Variants in NTM observed in about 807,000 individuals in gnomAD.
NTM encodes the protein neurotrimin, also known as IgLON family member 2.
Under a neutral mutation model 42.1 loss-of-function variants are expected in NTM, and 13 were observed. The observed-to-expected ratio is 0.31, with a 90% CI of 0.20 to 0.49. NTM has a LOEUF of 0.49. Ranked by LOEUF, NTM falls within the 20% of genes least tolerant of loss-of-function variation. The pLI, the probability that NTM is intolerant of heterozygous loss-of-function variation, is 0.99. For missense variants in NTM, 373 were observed against 452.8 expected (o/e 0.82, Z 1.60); for synonymous variants, 187 against 179.2 (o/e 1.04, Z -0.35).
At chr11:131,996,722 T>C (rs1593525849) in intron 2 of NTM, among the ~76,000 whole-genome samples, 2 of 152,188 alleles carry the variant, frequency 1.3e-5, no homozygotes, top group Non-Finnish European at 2.9e-5. Flanking sequence ...TCAAGGTTCC[T>C]GGAAGCATGA....
chr11:131,728,655 C>T (rs1465246165), intron 1 of NTM, among the ~76,000 whole-genome samples: 2 of 152,202 alleles, frequency 1.3e-5, no homozygotes, highest in East Asian at 1.9e-4. Flanking sequence ...TCAAGGTCAT[C>T]GCCAAGGCCT....
chr11:131,494,223 C>T (rs1955098720), intron 1 of NTM, among the ~76,000 whole-genome samples: 1 of 152,082 alleles, frequency 6.6e-6, no homozygotes, highest in African/African-American at 2.4e-5. Flanking sequence ...ACTTTGAGCT[C>T]CTACAATGTC....
At chr11:132,203,762 G>C (rs979274877) in intron 3 of NTM, among the ~76,000 whole-genome samples, 2 of 152,108 alleles carry the variant, frequency 1.3e-5, no homozygotes. Context: ...AGCTGGGCTT[G>C]GTTTCAGGTG....
chr11:131,683,644 G>A (rs1434273585), intron 1 of NTM, among the ~76,000 whole-genome samples: 3 of 152,230 alleles, frequency 2.0e-5, no homozygotes, highest in Admixed American at 1.3e-4. Flanking sequence ...GGGCTGGAAC[G>A]TGAATAAAAA....
chr11:131,564,248 C>A (rs141909597), intron 1 of NTM, among the ~76,000 whole-genome samples: 1 of 149,186 alleles, frequency 6.7e-6, no homozygotes, highest in Admixed American at 6.7e-5. Context: ...GTCCCTATGC[C>A]ACCCTATTTA....
At chr11:131,383,241 A>G (rs774772368) in intron 1 of NTM, among the ~76,000 whole-genome samples, 10 of 152,214 alleles carry the variant, frequency 6.6e-5, no homozygotes, top group Non-Finnish European at 1.3e-4. Flanking sequence ...TTACATTTAT[A>G]TTTCATCCAC....
chr11:131,426,192 T>A (rs1948119446), intron 1 of NTM, among the ~76,000 whole-genome samples: 1 of 152,158 alleles, frequency 6.6e-6, no homozygotes, highest in South Asian at 2.1e-4. Context: ...TGCTGAAGAC[T>A]CCTAGTGGCC....
At chr11:131,921,050 C>G (rs540400213) in intron 2 of NTM, among the ~76,000 whole-genome samples, 34 of 152,092 alleles carry the variant, frequency 2.2e-4, no homozygotes, top group Non-Finnish European at 3.5e-4. Flanking sequence ...AGAACGCATG[C>G]GAATTATTTT....
chr11:132,087,501 A>G (rs903306676), intron 2 of NTM, among the ~76,000 whole-genome samples: 1 of 152,064 alleles, frequency 6.6e-6, no homozygotes. Context: ...GGACAAAGGA[A>G]CTGCCTCAAG....
At chr11:132,212,407 G>T (rs1202138595) in intron 4 of NTM, among the ~76,000 whole-genome samples, 1 of 152,192 alleles carries the variant, frequency 6.6e-6, no homozygotes, top group Non-Finnish European at 1.5e-5. Flanking sequence ...TGAAATGGTG[G>T]TAAGGTGTTC....
At chr11:131,874,877 G>A (rs1184859975) in intron 1 of NTM, among the ~76,000 whole-genome samples, 1 of 152,220 alleles carries the variant, frequency 6.6e-6, no homozygotes, top group African/African-American at 2.4e-5. Flanking sequence ...CTGCAGTAAT[G>A]AGAAACTTAG....
At chr11:132,065,395 T>G (rs1039381502) in intron 2 of NTM, among the ~76,000 whole-genome samples, 1 of 152,172 alleles carries the variant, frequency 6.6e-6, no homozygotes, top group Non-Finnish European at 1.5e-5. Flanking sequence ...AATATGCTTC[T>G]TATAGCAGAG....
intron 2 of NTM, among the ~76,000 whole-genome samples, chr11:132,017,795 C>A (rs2135488446): frequency 6.6e-6 from 1 of 151,988 alleles, no homozygotes; most frequent in South Asian, 2.1e-4. Context: ...AATGCCTTTT[C>A]TTTTATTTAG....
At chr11:132,084,912 A>G (rs1224421573) in intron 2 of NTM, among the ~76,000 whole-genome samples, 1 of 152,212 alleles carries the variant, frequency 6.6e-6, no homozygotes, top group Non-Finnish European at 1.5e-5. Flanking sequence ...ATTCTATGCA[A>G]TCTTAACCAG....
At chr11:131,774,190 A>G (rs1302578222) in intron 1 of NTM, 1 of 860,538 alleles carries the variant, frequency 1.2e-6, no homozygotes, top group Non-Finnish European at 1.4e-6. Context: ...TTATCTCCAT[A>G]GCCTTTATGA....
At chr11:132,261,936 G>T (rs1192810831) in intron 4 of NTM, among the ~76,000 whole-genome samples, 12 of 152,294 alleles carry the variant, frequency 7.9e-5, no homozygotes, top group Admixed American at 7.2e-4. Flanking sequence ...CAGATCCAGG[G>T]CTTGCCCCAT....
chr11:132,324,556 G>T (rs1430083100), intron 7 of NTM, among the ~76,000 whole-genome samples: 4 of 150,598 alleles, frequency 2.7e-5, no homozygotes, highest in Non-Finnish European at 5.9e-5. Flanking sequence ...TTCCATGCTC[G>T]TGGGTAGGAA....
chr11:132,261,003 G>C (rs1236339243), intron 4 of NTM, among the ~76,000 whole-genome samples: 1 of 152,196 alleles, frequency 6.6e-6, no homozygotes, highest in East Asian at 1.9e-4. Flanking sequence ...GCATGCTTAG[G>C]AGTCGAAGGA....
intron 1 of NTM, among the ~76,000 whole-genome samples, chr11:131,428,710 A>T (rs1315487919): frequency 6.6e-6 from 1 of 152,084 alleles, no homozygotes; most frequent in Non-Finnish European, 1.5e-5. Context: ...GCCTCAAAAA[A>T]ACCTGGCCTG....
Sources: allele counts gnomAD v4.1 joint callset (sites outside exome capture counted in the v4.1 genomes callset), GRCh38; gene constraint gnomAD v4.1.1; transcripts MANE v1.5; gene names NCBI Gene and HGNC (gene_info 2026-07-23, HGNC 2026-07-21).